PON1: variants seen among roughly 807,000 people sequenced by gnomAD.
The protein encoded by PON1 is paraoxonase 1.
In PON1, 37 loss-of-function variants were observed where a neutral mutation model predicts 39.2. The ratio of observed to expected loss-of-function variants is 0.94; its 90% CI spans 0.73 to 1.24. The LOEUF is 1.24. PON1 is among the 50% of genes most tolerant of loss of function. The probability of loss-of-function intolerance (pLI) is 0.00; values close to 1 mark genes in which losing one functional copy is unlikely to be tolerated. For missense variants in PON1, 397 were observed against 413.5 expected (o/e 0.96, Z 0.35); for synonymous variants, 148 against 152.2 (o/e 0.97, Z 0.21).
intron 1 of PON1, among the ~76,000 whole-genome samples, chr7:95,322,094 T>G (rs1017825091): frequency 6.6e-6 from 1 of 152,114 alleles, no homozygotes; most frequent in Admixed American, 6.5e-5. Flanking sequence ...ACTGAGAAGA[T>G]GGTGTTGGTT....
At chr7:95,315,736 C>T (rs529195215) in intron 3 of PON1, among the ~76,000 whole-genome samples, 7 of 152,198 alleles carry the variant, frequency 4.6e-5, no homozygotes, top group South Asian at 4.1e-4. Flanking sequence ...CATATGTGCA[C>T]GACACTACAG....
rs1018741223 is a variant in PON1, at chr7:95,302,418, C to T, written c.781-85G>A. ...GCAAAATATATCAGAGAAAAGTTGC[C>T]TCTTGTCCTTGGTCACCACGCTGCT... On this transcript the variant is annotated intron_variant, in intron 7 of 8. Transcript: ENST00000222381. 2.3e-6 allele frequency: 3 copies of T among 1,289,734 alleles called. No homozygotes were observed. The Admixed American group carries it at 5.4e-5, about 23-fold the overall frequency. 79.9% of individuals were successfully genotyped at this position (1,289,734 alleles called of 1,614,324 possible). A position where few individuals can be genotyped will look rare whatever the true frequency, so the allele number is the denominator to read the frequency against.
Position 95,311,540 on chromosome 7 carries a change from A to C in PON1, c.408T>G (p.Asp136Glu). The C allele has an allele frequency of 1.2e-6, 2 of 1,614,104 alleles. No homozygotes were observed. The highest frequency in any genetic ancestry group is 1.7e-6 in the Non-Finnish European group (2 of 1,179,932). ...AMYLLVVNHPDAKSTVELFKF... is the reference protein window; with the variant it reads ...AMYLLVVNHPEAKSTVELFKF... ...TAAACAACTCCACTGTGGACTTGGC[A>C]TCTGGATGGTTCACCACCAGGAGGT... is the stretch of plus-strand genomic sequence containing the variant. Residue 136 changes from aspartate to glutamate, a missense_variant, in exon 5 of 9, where the codon GAT (aspartate) becomes GAG (glutamate). Asp to Glu is a conservative substitution (Grantham distance 45). Coordinates refer to ENST00000222381, the MANE Select transcript of PON1 (RefSeq NM_000446.7).
chr7:95,301,816 G>A (rs971144547), intron 8 of PON1, among the ~76,000 whole-genome samples: 5 of 151,906 alleles, frequency 3.3e-5, no homozygotes, highest in East Asian at 1.9e-4. Flanking sequence ...GGCCGGGCAC[G>A]GTGGCTCACG....
At chr7:95,301,792 T>C (rs1032163957) in intron 8 of PON1, among the ~76,000 whole-genome samples, 1 of 151,772 alleles carries the variant, frequency 6.6e-6, no homozygotes, top group Non-Finnish European at 1.5e-5. Context: ...TATTTGCACA[T>C]AGAATTGAGA....
intron 1 of PON1, among the ~76,000 whole-genome samples, chr7:95,323,060 C>A (rs565390796): frequency 4.6e-5 from 7 of 152,260 alleles, no homozygotes; most frequent in African/African-American, 1.7e-4. Flanking sequence ...CTCTAATCCC[C>A]CAGGGAGTTT....
At chr7:95,301,809 C>T (rs1318179368) in intron 8 of PON1, among the ~76,000 whole-genome samples, 2 of 151,762 alleles carry the variant, frequency 1.3e-5, no homozygotes, top group South Asian at 2.1e-4. Flanking sequence ...GAGAATTGGC[C>T]GGGCACGGTG....
intron 4 of PON1, among the ~76,000 whole-genome samples, chr7:95,311,995 G>A (rs1807665616): frequency 6.6e-6 from 1 of 152,188 alleles, no homozygotes; most frequent in Non-Finnish European, 1.5e-5. Context: ...TTCCATAGAA[G>A]AACATCTGAG....
chr7:95,322,461 G>T (rs1022498829), intron 1 of PON1, among the ~76,000 whole-genome samples: 2 of 151,984 alleles, frequency 1.3e-5, no homozygotes, highest in African/African-American at 4.8e-5. Context: ...GAAAGTTGCA[G>T]AAATGATATC....
Position 95,312,866 on chromosome 7 carries a change from A to G in PON1, c.371-1289T>C, listed in dbSNP as rs1807686408. On this transcript the variant is annotated intron_variant, in intron 4 of 8. Transcript: ENST00000222381. Reference sequence around the variant, plus strand: ...AGAACTTCCTGGACATATTCACTTAATTGTGAGGTTGTGCTGGGAGCAGAG... The same window carrying G: ...AGAACTTCCTGGACATATTCACTTAGTTGTGAGGTTGTGCTGGGAGCAGAG... 2.0e-5 allele frequency among the ~76,000 whole-genome samples: 3 copies of G among 152,168 alleles called. No individual in the cohort carries two copies. In the South Asian group the frequency reaches 6.2e-4, roughly 32 times the overall value.
chr7:95,305,851 C>T (rs1333342148), intron 7 of PON1, among the ~76,000 whole-genome samples: 1 of 151,474 alleles, frequency 6.6e-6, no homozygotes, highest in Non-Finnish European at 1.5e-5. Context: ...ACGTGGACTT[C>T]ATAAACATTG....
Position 95,302,274 on chromosome 7 carries a change from A to G in PON1, c.840T>C (p.Leu280=). ...TGCCATTGGGATGGCATCCAACCCA[A>G]AGGTCTCCTGTCTCAGGATCCACAG... The part of the protein sequence containing the change: ...NISVDPETGD[L]WVGCHPNGMK... Residue 280 remains leucine, a synonymous_variant, in exon 8 of 9, where the codon CTT becomes CTC. Coordinates refer to ENST00000222381, the MANE Select transcript of PON1 (RefSeq NM_000446.7). 6.2e-7 allele frequency: 1 copy of G among 1,608,902 alleles called. No individual in the cohort carries two copies. Among genetic ancestry groups the G allele is most frequent in the Non-Finnish European group, 8.5e-7 (1 of 1,175,454 alleles).
intron 1 of PON1, among the ~76,000 whole-genome samples, chr7:95,321,529 C>G (rs907165160): frequency 6.6e-6 from 1 of 152,148 alleles, no homozygotes; most frequent in Non-Finnish European, 1.5e-5. Flanking sequence ...CACATACTTC[C>G]TCATTTAATC....
chr7:95,302,262 G>A lies in PON1; in HGVS notation c.852C>T (p.Cys284=), dbSNP rs775037874. The change falls in exon 8 of 9, where the codon TGC becomes TGT. Residue 284 remains cysteine (C), a synonymous_variant. Transcript: ENST00000222381. ...AGAAGATTTTCATGCCATTGGGATG[G>A]CATCCAACCCAAAGGTCTCCTGTCT... ...DPETGDLWVG[C]HPNGMKIFFY... is the part of the protein sequence containing the mutation. The A allele has an allele frequency of 1.2e-6, 2 of 1,610,408 alleles. No homozygotes were observed. The highest frequency in any genetic ancestry group is 3.3e-5 in the Admixed American group (2 of 60,018).
chr7:95,314,457 T>C (rs1807723182), intron 4 of PON1, among the ~76,000 whole-genome samples: 1 of 151,878 alleles, frequency 6.6e-6, no homozygotes, highest in Admixed American at 6.6e-5. Flanking sequence ...GATTTGTTAG[T>C]AGGAACATCA....
intron 8 of PON1, among the ~76,000 whole-genome samples, chr7:95,300,651 T>C (rs997937823): frequency 6.6e-6 from 1 of 152,232 alleles, no homozygotes; most frequent in Non-Finnish European, 1.5e-5. Flanking sequence ...TTGTTACTAC[T>C]TTTTGCTACT....
chr7:95,309,013 A>C (rs1425839562), intron 5 of PON1, among the ~76,000 whole-genome samples: 1 of 152,164 alleles, frequency 6.6e-6, no homozygotes, highest in Non-Finnish European at 1.5e-5. Context: ...CCAGGGCATG[A>C]TCTGGGAGAA....
At chr7:95,320,964 GGTTT>G (rs1165697308) in intron 1 of PON1, among the ~76,000 whole-genome samples, 1 of 152,094 alleles carries the variant, frequency 6.6e-6, no homozygotes, top group East Asian at 1.9e-4. Flanking sequence ...AAAGAAAAAA[GGTTT>G]ATTTGGCTTA....
intron 1 of PON1, among the ~76,000 whole-genome samples, chr7:95,321,280 G>A (rs1807891169): frequency 6.6e-6 from 1 of 152,122 alleles, no homozygotes; most frequent in South Asian, 2.1e-4. Flanking sequence ...TCAAATACGA[G>A]GTTTGGAGAG....
Sources: allele counts gnomAD v4.1 joint callset (sites outside exome capture counted in the v4.1 genomes callset), GRCh38; gene constraint gnomAD v4.1.1; transcripts MANE v1.5; gene names NCBI Gene and HGNC (gene_info 2026-07-23, HGNC 2026-07-21).